The following RAB33A variants were observed in gnomAD, a reference collection of about 807,000 sequenced individuals.
The protein encoded by RAB33A is RAB33A, member RAS oncogene family.
RAB33A carries 6 observed loss-of-function variants against 12.0 expected under a neutral mutation model. That is an observed-to-expected ratio of 0.50 (90% CI 0.27 to 0.99). The LOEUF is 0.99. Ranked by LOEUF, RAB33A falls within the 50% of genes least tolerant of loss-of-function variation. The probability of loss-of-function intolerance (pLI) is 0.11; values close to 1 mark genes in which losing one functional copy is unlikely to be tolerated. For synonymous variants in RAB33A, 70 were observed against 82.4 expected (o/e 0.85, Z 0.81); for missense variants, 109 against 192.0 (o/e 0.57, Z 2.55).
At chrX:130,155,309 G>A in the RAB33A span, 1 of 1,204,528 alleles carries the variant, frequency 8.3e-7, no homozygotes, top group Non-Finnish European at 1.1e-6. Flanking sequence ...ATAAGGCCAA[G>A]AGAGAAACAA....
the RAB33A span, among the ~76,000 whole-genome samples, chrX:130,122,993 C>G: frequency 9.0e-6 from 1 of 111,372 alleles, no homozygotes; most frequent in Non-Finnish European, 1.9e-5. Flanking sequence ...AAACTAAAAA[C>G]AAAAACCAGC....
At chrX:130,150,617 G>A in the RAB33A span, among the ~76,000 whole-genome samples, 1 of 105,913 alleles carries the variant, frequency 9.4e-6, no homozygotes, top group Non-Finnish European at 1.9e-5. Flanking sequence ...TTACAGGCGT[G>A]AGCCACCGCG....
At chrX:130,166,429 T>G in the RAB33A span, among the ~76,000 whole-genome samples, 1 of 112,406 alleles carries the variant, frequency 8.9e-6, no homozygotes, top group Admixed American at 9.5e-5. Flanking sequence ...CTGTGGTTTC[T>G]GTGCTTGGGA....
chrX:130,171,136 T>C (rs961758591), upstream of RAB33A, among the ~76,000 whole-genome samples: 3 of 113,009 alleles, frequency 2.7e-5, no homozygotes, highest in Non-Finnish European at 3.8e-5. Context: ...ACAGAAACAG[T>C]TACACCCCCT....
At chrX:130,167,633 C>G (rs748659043), upstream of RAB33A, among the ~76,000 whole-genome samples, 6 of 112,672 alleles carry the variant, frequency 5.3e-5, no homozygotes, top group Admixed American at 4.7e-4. Context: ...ATCCCAGCTA[C>G]TAGGGAGACT....
chrX:130,165,695 C>T, the RAB33A span: 6 of 1,092,832 alleles, frequency 5.5e-6, no homozygotes, highest in African/African-American at 3.6e-5. Context: ...CTTCCCTTTC[C>T]TCTCACGCAC....
chrX:130,182,232 AT>A (rs1206895805), intron 1 of RAB33A, among the ~76,000 whole-genome samples: 6 of 101,559 alleles, frequency 5.9e-5, no homozygotes, highest in Admixed American at 1.1e-4. Context: ...TATATATGTA[AT>A]ATATATAACA....
chrX:130,182,453 T>C (rs1226702896), intron 1 of RAB33A, among the ~76,000 whole-genome samples: 1 of 108,922 alleles, frequency 9.2e-6, no homozygotes, highest in East Asian at 2.9e-4. Context: ...ACTGGGACCA[T>C]AGCATATGAA....
At chrX:130,118,716 C>G in the RAB33A span, among the ~76,000 whole-genome samples, 1 of 111,281 alleles carries the variant, frequency 9.0e-6, no homozygotes, top group Non-Finnish European at 1.9e-5. Flanking sequence ...TATGAGTGTG[C>G]ATGTGGGTCT....
upstream of RAB33A, among the ~76,000 whole-genome samples, chrX:130,168,475 A>G (rs935952111): frequency 2.7e-5 from 3 of 111,274 alleles, no homozygotes; most frequent in African/African-American, 6.5e-5. Context: ...CGGCCTCCCA[A>G]AGTGCTTGGA....
the RAB33A span, among the ~76,000 whole-genome samples, chrX:130,123,284 G>A: frequency 8.9e-6 from 1 of 112,454 alleles, no homozygotes; most frequent in South Asian, 3.6e-4. Context: ...GCAGTGAGCG[G>A]CAGCACTGCG....
upstream of RAB33A, among the ~76,000 whole-genome samples, chrX:130,170,776 C>T (rs746925297): frequency 2.7e-5 from 3 of 112,815 alleles, no homozygotes; most frequent in East Asian, 5.6e-4. Flanking sequence ...CCAACTCCCT[C>T]TGAAACTCCA....
At chrX:130,154,242 A>C in the RAB33A span, among the ~76,000 whole-genome samples, 4 of 112,126 alleles carry the variant, frequency 3.6e-5, no homozygotes, top group Non-Finnish European at 7.5e-5. Flanking sequence ...TTTCTAAGGC[A>C]GGAGAAAGGA....
the RAB33A span, among the ~76,000 whole-genome samples, chrX:130,146,827 T>A: frequency 8.9e-6 from 1 of 111,994 alleles, no homozygotes; most frequent in South Asian, 3.7e-4. Flanking sequence ...CGTTAAAAAG[T>A]TTCTTTTCTT....
chrX:130,181,971 T>C (rs1044010580), intron 1 of RAB33A, among the ~76,000 whole-genome samples: 6 of 106,626 alleles, frequency 5.6e-5, no homozygotes, highest in African/African-American at 1.7e-4. Context: ...AATAAATAAA[T>C]AGGGCTTGAA....
At chrX:130,160,835 G>A in the RAB33A span, among the ~76,000 whole-genome samples, 1 of 109,425 alleles carries the variant, frequency 9.1e-6, no homozygotes, top group East Asian at 2.9e-4. Context: ...TTGAGACCAC[G>A]AGTTTGAGAC....
chrX:130,168,206 T>TA (rs902207843), upstream of RAB33A, among the ~76,000 whole-genome samples: 2 of 106,980 alleles, frequency 1.9e-5, no homozygotes, highest in African/African-American at 6.8e-5. Flanking sequence ...ATTACAAAGA[T>TA]ACTCTTTTTT....
the RAB33A span, among the ~76,000 whole-genome samples, chrX:130,161,898 C>T: frequency 2.7e-5 from 3 of 112,149 alleles, no homozygotes; most frequent in Admixed American, 9.4e-5. Context: ...TGAGCCACCA[C>T]GCCTAGCTAT....
At chrX:130,163,020 A>T in the RAB33A span, among the ~76,000 whole-genome samples, 3 of 111,791 alleles carry the variant, frequency 2.7e-5, no homozygotes, top group Non-Finnish European at 3.8e-5. Flanking sequence ...GACAATGGTG[A>T]CAGATGTCAA....
Sources: allele counts gnomAD v4.1 joint callset (sites outside exome capture counted in the v4.1 genomes callset), GRCh38; gene constraint gnomAD v4.1.1; transcripts MANE v1.5; gene names NCBI Gene and HGNC (gene_info 2026-07-23, HGNC 2026-07-21).